MROH1: variants seen among roughly 807,000 people sequenced by gnomAD.
The protein encoded by MROH1 is maestro heat like repeat family member 1.
A neutral mutation model predicts 116.5 loss-of-function variants in MROH1; 117 were observed. The observed-to-expected ratio is 1.00, with a 90% confidence interval of 0.86 to 1.17. MROH1 has a LOEUF of 1.17. Ranked by LOEUF, MROH1 falls within the 50% of genes most tolerant of loss-of-function variation. The pLI is 0.00. For synonymous variants in MROH1, 921 were observed against 583.9 expected, an observed-to-expected ratio of 1.58 and a Z score of -8.32; for missense variants, 1,873 against 1,338.5, an observed-to-expected ratio of 1.40 and a Z score of -6.23.
intron 10 of MROH1, among the ~76,000 whole-genome samples, chr8:144,197,417 CTTTTTTTTTTTTTTTTTTTT>C (rs79749774): frequency 2.0e-3 from 83 of 42,500 alleles, no homozygotes; most frequent in African/African-American, 9.0e-3. Context: ...GCTGCAGCAT[CTTTTTTTTTTTTTTTTTTTT>C]TTTTTTTTTT....
intron 29 of MROH1, among the ~76,000 whole-genome samples, chr8:144,246,735 G>A (rs1363883316): frequency 1.3e-5 from 2 of 152,198 alleles, no homozygotes; most frequent in African/African-American, 2.4e-5. Flanking sequence ...GGCCTCGCAC[G>A]TGGGGGCTGA....
chr8:144,202,739 C>T (rs1273465967), intron 12 of MROH1, among the ~76,000 whole-genome samples: 5 of 118,586 alleles, frequency 4.2e-5, no homozygotes, highest in African/African-American at 1.0e-4. Flanking sequence ...GAGGAGCGCC[C>T]GCCATCTGCG....
intron 14 of MROH1, among the ~76,000 whole-genome samples, chr8:144,234,497 C>CTTTTTT (rs1554823930): frequency 1.9e-4 from 4 of 20,630 alleles, no homozygotes; most frequent in East Asian, 1.2e-3. Flanking sequence ...CTTTCTTTTT[C>CTTTTTT]GTTTTTTTTT....
intron 10 of MROH1, among the ~76,000 whole-genome samples, chr8:144,198,022 C>T (rs1414873210): frequency 6.8e-6 from 1 of 147,474 alleles, no homozygotes; most frequent in Non-Finnish European, 1.5e-5. Flanking sequence ...GCACTCCAGC[C>T]TGGGCAACAA....
At chr8:144,216,207 G>T (rs1328713051) in intron 12 of MROH1, among the ~76,000 whole-genome samples, 1 of 151,938 alleles carries the variant, frequency 6.6e-6, no homozygotes, top group Admixed American at 6.6e-5. Flanking sequence ...TGGCTCAGTG[G>T]CTCATGCCTG....
Position 144,260,725 on chromosome 8 carries a change from A to C in MROH1, c.4429A>C (p.Asn1477His). 1 of 779,638 alleles carries C rather than the reference A, an allele frequency of 1.3e-6. No individual in the cohort carries two copies. Among genetic ancestry groups the C allele is most frequent in the Non-Finnish European group, 2.4e-6 (1 of 417,786 alleles). The allele number at this position is 779,638 out of a possible 1,614,324, so 48.3% of individuals were successfully genotyped here. ...TASIRLFGHL[N>H]KVCHGDCEDV... ...ATCTATCCGCCTCTTTGGGCACCTT[A>C]ACAAGGTCTGCCACGGAGACTGTGA... is the stretch of plus-strand genomic sequence containing the variant. The change falls in exon 40 of 44, where the codon AAC becomes CAC. Residue 1477 changes from asparagine to histidine, a missense_variant. Physicochemically the swap from Asn to His is moderately conservative, Grantham distance 68 (BLOSUM62 1). Coordinates refer to ENST00000326134, the MANE Select transcript of MROH1 (RefSeq NM_032450.3).
At chr8:144,225,194 C>T (rs995394831) in intron 14 of MROH1, among the ~76,000 whole-genome samples, 1 of 151,904 alleles carries the variant, frequency 6.6e-6, no homozygotes, top group Non-Finnish European at 1.5e-5. Context: ...ATGCGCCAGC[C>T]ACCATGGGTG....
At chr8:144,249,726 G>C (rs968287383) in intron 32 of MROH1, among the ~76,000 whole-genome samples, 1 of 152,108 alleles carries the variant, frequency 6.6e-6, no homozygotes, top group African/African-American at 2.4e-5. Flanking sequence ...CCATCCTTCC[G>C]TCTCAGGCCC....
chr8:144,202,285 T>C (rs1169755235), intron 12 of MROH1, among the ~76,000 whole-genome samples: 2 of 149,518 alleles, frequency 1.3e-5, no homozygotes, highest in African/African-American at 4.9e-5. Context: ...GAGAGCCCGC[T>C]CTCTGTGGAG....
intron 1 of MROH1, among the ~76,000 whole-genome samples, chr8:144,157,907 G>A (rs1818548677): frequency 1.3e-5 from 2 of 150,496 alleles, no homozygotes; most frequent in African/African-American, 4.9e-5. Flanking sequence ...GAACTCCTGA[G>A]CTTGAGTGAT....
At chr8:144,242,044 C>T (rs1841088952) in intron 22 of MROH1, among the ~76,000 whole-genome samples, 2 of 152,246 alleles carry the variant, frequency 1.3e-5, no homozygotes, top group Non-Finnish European at 2.9e-5. Flanking sequence ...GCCTTGAGCT[C>T]TTCTCAGCTG....
At chr8:144,207,204 T>C (rs1833017849) in intron 12 of MROH1, among the ~76,000 whole-genome samples, 1 of 152,032 alleles carries the variant, frequency 6.6e-6, no homozygotes, top group East Asian at 1.9e-4. Context: ...TTGTTGTTTT[T>C]TTGAGATGGA....
At chr8:144,249,651 C>T (rs935076036) in intron 32 of MROH1, among the ~76,000 whole-genome samples, 4 of 152,144 alleles carry the variant, frequency 2.6e-5, no homozygotes, top group Admixed American at 6.5e-5. Context: ...ACGTTTCCCC[C>T]GCGTTCCGTT....
At chr8:144,196,807 C>A (rs1830000735) in intron 10 of MROH1, among the ~76,000 whole-genome samples, 1 of 151,872 alleles carries the variant, frequency 6.6e-6, no homozygotes, top group African/African-American at 2.4e-5. Context: ...CTTAAAACAA[C>A]AACATCTAGG....
In MROH1 at chr8:144,163,370, G is replaced by T. The variant is rs532436779; in HGVS notation, c.-56-401G>T. Among the ~76,000 whole-genome samples the T allele has an allele frequency of 1.6e-4, 25 of 152,368 alleles. No individual in the cohort carries two copies. The highest frequency in any genetic ancestry group is 5.8e-4 in the African/African-American group (24 of 41,596). On this transcript the variant is annotated intron_variant, in intron 2 of 43. Transcript: ENST00000326134. The surrounding 1 kb of genome is among the most constrained non-coding windows in gnomAD (Gnocchi z 4.4). ...CTGGACTCGATTCTTAGGGACCATT[G>T]TTGCATGCAGTGGCGCATGGCATGT... is the stretch of plus-strand genomic sequence containing the variant.
intron 11 of MROH1, among the ~76,000 whole-genome samples, 154 bp downstream of exon 11, chr8:144,199,354 G>T (rs1393398740): frequency 6.6e-6 from 1 of 152,118 alleles, no homozygotes; most frequent in Non-Finnish European, 1.5e-5. Context: ...GGCTCCAGAG[G>T]CCTCTGAACC....
chr8:144,179,353 G>GA, intron 4 of MROH1, 102 bp from the exon 5 acceptor site: 1 of 1,511,634 alleles, frequency 6.6e-7, no homozygotes, highest in East Asian at 2.4e-5. Context: ...ACTTGAGGCA[G>GA]AGAGATTTGT....
chr8:144,230,461 G>A (rs1838637038), intron 14 of MROH1, among the ~76,000 whole-genome samples: 1 of 147,414 alleles, frequency 6.8e-6, no homozygotes, highest in Non-Finnish European at 1.5e-5. Flanking sequence ...GCCTGTGTCA[G>A]CTTTTGACAT....
chr8:144,259,752 CAGGG>C (rs1217492180), intron 37 of MROH1, among the ~76,000 whole-genome samples, 155 bp from the exon 38 acceptor site: 8 of 152,262 alleles, frequency 5.3e-5, no homozygotes, highest in African/African-American at 1.7e-4. Flanking sequence ...AGCGGCACAA[CAGGG>C]AGGGGTCGCC....
Sources: gnomAD v4.1 joint callset for allele counts (sites outside exome capture counted in the v4.1 genomes callset) on GRCh38, gnomAD v4.1.1 for gene constraint, Gnocchi (gnomAD v3.1) non-coding constraint, MANE v1.5 for transcripts, NCBI Gene and HGNC (gene_info 2026-07-23, HGNC 2026-07-21) for gene names.